Variants in JAK1 observed in about 807,000 individuals in gnomAD.
The protein encoded by JAK1 is tyrosine-protein kinase JAK1.
Under a neutral mutation model 136.6 loss-of-function variants are expected in JAK1, and 16 were observed. The ratio of observed to expected loss-of-function variants is 0.12; its 90% confidence interval spans 0.08 to 0.18. The LOEUF (loss-of-function observed/expected upper bound fraction) is 0.18. JAK1 is among the 10% of genes least tolerant of loss of function. The pLI is 1.00. For synonymous variants in JAK1, 492 were observed against 519.5 expected (o/e 0.95, Z 0.72); for missense variants, 859 against 1,450.1 (o/e 0.59, Z 6.62).
intron 2 of JAK1, among the ~76,000 whole-genome samples, chr1:64,999,415 A>T (rs888489387): frequency 6.6e-6 from 1 of 151,964 alleles, no homozygotes; most frequent in African/African-American, 2.4e-5. Context: ...CTCCCCATTA[A>T]CTTCCTCTCA....
At chr1:64,866,666 T>C (rs147438237) in intron 7 of JAK1, among the ~76,000 whole-genome samples, 200 bp downstream of exon 7, 59 of 152,374 alleles carry the variant, frequency 3.9e-4, no homozygotes, top group African/African-American at 1.3e-3. Flanking sequence ...TGTTGTTATA[T>C]TTCTCTACAT....
intron 2 of JAK1, among the ~76,000 whole-genome samples, chr1:65,004,820 T>C (rs1405791793): frequency 6.6e-6 from 1 of 152,208 alleles, no homozygotes; most frequent in Non-Finnish European, 1.5e-5. Flanking sequence ...GAAGACCAAA[T>C]TGTGAAATGT....
chr1:64,987,986 A>C (rs1392273307), intron 2 of JAK1, among the ~76,000 whole-genome samples: 4 of 152,206 alleles, frequency 2.6e-5, no homozygotes, highest in Non-Finnish European at 5.9e-5. Flanking sequence ...GAAGATGATA[A>C]TATTTATTGA....
chr1:64,897,450 G>A (rs1645031015), intron 1 of JAK1, among the ~76,000 whole-genome samples: 1 of 120,702 alleles, frequency 8.3e-6, no homozygotes, highest in African/African-American at 3.1e-5. Flanking sequence ...AAAAAGAAGA[G>A]GAGCAGGAGG....
intron 1 of JAK1, among the ~76,000 whole-genome samples, chr1:64,964,834 A>T (rs1352566535): frequency 3.3e-5 from 5 of 152,188 alleles, no homozygotes; most frequent in Non-Finnish European, 7.3e-5. Flanking sequence ...TACAGGGGAG[A>T]CATTTTCTCC....
intron 1 of JAK1, among the ~76,000 whole-genome samples, chr1:64,927,250 C>T (rs891029781): frequency 2.0e-5 from 3 of 152,164 alleles, no homozygotes; most frequent in African/African-American, 7.2e-5. Context: ...CATTTTAGCA[C>T]ATCCTTGTTT....
intron 1 of JAK1, among the ~76,000 whole-genome samples, chr1:64,912,500 AAACT>A (rs1645301261): frequency 3.9e-5 from 6 of 152,224 alleles, no homozygotes; most frequent in Admixed American, 2.0e-4. Context: ...AACGTCTTCT[AAACT>A]AGTCTATGTC....
At chr1:64,953,620 T>C (rs935799844) in intron 1 of JAK1, among the ~76,000 whole-genome samples, 1 of 152,182 alleles carries the variant, frequency 6.6e-6, no homozygotes, top group Non-Finnish European at 1.5e-5. Flanking sequence ...GACAGCTAAA[T>C]GAACCCAACT....
At position 64,984,420 on chromosome 1, in the gene JAK1, G is replaced by T. The variant is rs1032188026; in HGVS notation, c.-78+60060C>A. Among the ~76,000 whole-genome samples, 3 of 152,172 alleles carry T rather than the reference G, an allele frequency of 2.0e-5. No individual in the cohort carries two copies. Among genetic ancestry groups the T allele is most frequent in the African/African-American group, 7.2e-5 (3 of 41,438 alleles). On this transcript the variant is annotated intron_variant, in intron 2 of 25. Transcript: ENST00000671954. The surrounding 1 kb of genome is among the most constrained non-coding windows in gnomAD (Gnocchi z 4.1). Reference sequence around the variant, plus strand: ...TTCACTTGGTCTCTCCTACGCAGAAGAGAATGTCCAAGAAATGAAATATTT... The same window carrying T: ...TTCACTTGGTCTCTCCTACGCAGAATAGAATGTCCAAGAAATGAAATATTT...
At position 64,908,166 on chromosome 1, in the gene JAK1, A is replaced by T. The variant is rs561004859; in HGVS notation, c.-77-21825T>A. Among the ~76,000 whole-genome samples, 7 of 152,228 alleles carry T rather than the reference A, an allele frequency of 4.6e-5. No homozygotes were observed. In the South Asian group the frequency reaches 1.4e-3, roughly 32 times the overall value. ...TAATATAAAGAGAAGTCAAGTCAGTACTGCTCAGGTTAGAACTTTAATGCA... is the reference window on the plus strand; with the variant it reads ...TAATATAAAGAGAAGTCAAGTCAGTTCTGCTCAGGTTAGAACTTTAATGCA... On this transcript the variant is annotated intron_variant, in intron 1 of 24. Transcript: ENST00000342505.
intron 2 of JAK1, among the ~76,000 whole-genome samples, chr1:65,012,560 T>A (rs1426518781): frequency 6.6e-6 from 1 of 152,120 alleles, no homozygotes; most frequent in Non-Finnish European, 1.5e-5. Flanking sequence ...CTGAAGCCAC[T>A]TTTGCCCTGA....
intron 2 of JAK1, among the ~76,000 whole-genome samples, chr1:64,986,458 A>G (rs1177190803): frequency 1.3e-5 from 2 of 152,136 alleles, no homozygotes; most frequent in Non-Finnish European, 2.9e-5. Context: ...GTGTGATTCC[A>G]GAGACACCTT....
chr1:64,880,423 T>C (rs967247705), intron 3 of JAK1, among the ~76,000 whole-genome samples: 1 of 152,242 alleles, frequency 6.6e-6, no homozygotes, highest in African/African-American at 2.4e-5. Flanking sequence ...TGGACTGGGC[T>C]GGAAACCCAG....
intron 2 of JAK1, chr1:64,990,893 C>T (rs1054927561): frequency 3.7e-5 from 5 of 133,732 alleles, no homozygotes; most frequent in Non-Finnish European, 7.6e-5. Context: ...GCATTCCAGC[C>T]TGGGCGACAG....
intron 2 of JAK1, chr1:64,990,792 T>A (rs1041744106): frequency 6.6e-6 from 1 of 151,468 alleles, no homozygotes; most frequent in African/African-American, 2.4e-5. Context: ...AGTGGTAGCA[T>A]GTGCCTGTAG....
chr1:64,999,963 AATACTGGGGGTTGGGGGAGAGAATC>A (rs1401889221), intron 2 of JAK1, among the ~76,000 whole-genome samples: 2 of 151,674 alleles, frequency 1.3e-5, no homozygotes, highest in Non-Finnish European at 2.9e-5. Flanking sequence ...AGTCTGGGAA[AATACTGGGGGTTGGGGGAGAGAATC>A]ATAAGTTTTT....
At chr1:64,838,821 G>A (rs1654662151) in intron 20 of JAK1, among the ~76,000 whole-genome samples, 1 of 152,218 alleles carries the variant, frequency 6.6e-6, no homozygotes, top group African/African-American at 2.4e-5. Context: ...CAGTCAGAGT[G>A]CTCTGTAAAC....
At chr1:64,867,335 C>T (rs143694406) in intron 6 of JAK1, 127 bp from the exon 7 acceptor site, 2 of 658,862 alleles carry the variant, frequency 3.0e-6, no homozygotes, top group East Asian at 2.7e-5. Flanking sequence ...TCCCAGAGGA[C>T]GTTAGATGGA....
chr1:64,932,453 T>C (rs1645714657), intron 1 of JAK1, among the ~76,000 whole-genome samples: 1 of 152,086 alleles, frequency 6.6e-6, no homozygotes, highest in African/African-American at 2.4e-5. Flanking sequence ...CTGAGATTCA[T>C]AAAAGCAGTA....
Sources: gnomAD v4.1 joint callset for allele counts (sites outside exome capture counted in the v4.1 genomes callset) on GRCh38, gnomAD v4.1.1 for gene constraint, Gnocchi (gnomAD v3.1) non-coding constraint, MANE v1.5 for transcripts, NCBI Gene and HGNC (gene_info 2026-07-23, HGNC 2026-07-21) for gene names.